MAGEC1: variants seen among roughly 807,000 people sequenced by gnomAD.
MAGEC1 encodes the protein MAGE family member C1.
Under a neutral mutation model 1.5 loss-of-function variants are expected in MAGEC1, and 3 were observed. The ratio of observed to expected loss-of-function variants is 1.97; its 90% CI spans 0.90 to 5.10. The LOEUF (loss-of-function observed/expected upper bound fraction) is 5.10. Ranked by LOEUF, MAGEC1 falls within the 30% of genes most tolerant of loss-of-function variation. The pLI, the probability that MAGEC1 is intolerant of heterozygous loss-of-function variation, is 0.02. For missense variants in MAGEC1, 985 were observed against 803.1 expected (o/e 1.23, Z -2.74); for synonymous variants, 357 against 310.4 (o/e 1.15, Z -1.58).
At position 141,908,118 on chromosome X, in the gene MAGEC1, C is replaced by T. The variant is rs149706249; in HGVS notation, c.2714C>T (p.Thr905Ile). 334 of 1,210,333 alleles carry T rather than the reference C, an allele frequency of 2.8e-4. No individual in the cohort carries two copies. Among genetic ancestry groups the T allele is most frequent in the Non-Finnish European group, 3.5e-4 (313 of 895,358 alleles). The change falls in exon 4 of 4, where the codon ACT becomes ATT. Residue 905 changes from threonine (T) to isoleucine (I), a missense_variant. By Grantham distance (89) the Thr-to-Ile change is moderately conservative (BLOSUM62 -1). Transcript: ENST00000285879. The part of the protein sequence containing the change: ...ESLIESEPLF[T>I]YTLDEKVDEL... ...TTGATAGAGAGCGAGCCCTTGTTCA[C>T]TTATACACTGGATGAAAAGGTGGAC...
Position 141,908,761 on chromosome X carries a change from C to T in MAGEC1, c.3357C>T (p.Asp1119=), listed in dbSNP as rs369043109. 5 of 1,210,840 alleles carry T rather than the reference C, an allele frequency of 4.1e-6. No individual in the cohort carries two copies. Among genetic ancestry groups the T allele is most frequent in the Non-Finnish European group, 4.5e-6 (4 of 894,818 alleles). Residue 1119 remains aspartate, a synonymous_variant, in exon 4 of 4, where the codon GAC becomes GAT. Coordinates refer to ENST00000285879, the MANE Select transcript of MAGEC1 (RefSeq NM_005462.5). ...DVEERAQAII[D]TTDDSTATES... ...AAGAGAGAGCCCAGGCCATAATTGA[C>T]ACCACAGATGATTCGACTGCCACAG...
In MAGEC1 at chrX:141,907,218, C is replaced by A; in HGVS notation, c.1814C>A (p.Ser605Tyr). ...CAGAGCCCTCCTCAGGGGGAGGACT[C>A]CATGTCTCCTCTCTACTTTCCTCAG... ...FPQSPPQGED[S>Y]MSPLYFPQSP... The change falls in exon 4 of 4, where the codon TCC becomes TAC. Residue 605 changes from serine (S) to tyrosine (Y), a missense_variant. Transcript: ENST00000285879. The A allele has an allele frequency of 8.3e-7, 1 of 1,210,392 alleles. No homozygotes were observed. Among genetic ancestry groups the A allele is most frequent in the Non-Finnish European group, 1.1e-6 (1 of 895,031 alleles).
Position 141,906,425 on chromosome X carries a change from C to T in MAGEC1, c.1021C>T (p.Pro341Ser), listed in dbSNP as rs1480954625. 8.3e-7 allele frequency: 1 copy of T among 1,198,868 alleles called. No homozygotes were observed. Among genetic ancestry groups the T allele is most frequent in the African/African-American group, 1.8e-5 (1 of 56,156 alleles). Residue 341 changes from proline (P) to serine (S), a missense_variant, in exon 4 of 4, where the codon CCT becomes TCT. Pro to Ser is a moderately conservative substitution (Grantham distance 74). Coordinates refer to ENST00000285879, the MANE Select transcript of MAGEC1 (RefSeq NM_005462.5). ...TTTTCCCCAGTCTCTTCTCCAGATT[C>T]CTATGACCTCCTCCTTCTCCTCTAC... The part of the protein sequence containing the change: ...EGFPQSLLQI[P>S]MTSSFSSTLL...
chrX:141,903,905 C>T lies in MAGEC1; in HGVS notation c.-275C>T, dbSNP rs6636503. The T allele has an allele frequency of 7.2e-6, 1 of 139,450 alleles. No individual in the cohort carries two copies. The highest frequency in any genetic ancestry group is 6.9e-5 in the Admixed American group (1 of 14,447). 11.5% of individuals were successfully genotyped at this position (139,450 alleles called of 1,213,427 possible). A position where few individuals can be genotyped will look rare whatever the true frequency, so the allele number is the denominator to read the frequency against. ...CGGCCATCTTGGGAGTCTGAAGGAC[C>T]TGAGGCATTTTGTGACGAGGATCGT... On this transcript the variant is annotated 5_prime_UTR_variant, in exon 1 of 4. Transcript: ENST00000285879.
In MAGEC1 at chrX:141,908,456, G is replaced by A; in HGVS notation, c.3052G>A (p.Val1018Ile). The change falls in exon 4 of 4, where the codon GTC (valine) becomes ATC (isoleucine). Residue 1018 changes from valine to isoleucine, a missense_variant. Val to Ile is a conservative substitution (Grantham distance 29, BLOSUM62 3). Coordinates refer to ENST00000285879, the MANE Select transcript of MAGEC1 (RefSeq NM_005462.5). ...AAAGGGCACCTATGCCTCTGAGGAG[G>A]TCATCTGGGATGTGCTGAGTGGAAT... is the stretch of plus-strand genomic sequence containing the variant. ...FIKGTYASEEVIWDVLSGIGV... is the reference protein window; with the variant it reads ...FIKGTYASEEIIWDVLSGIGV... 7 of 1,208,673 alleles carry A rather than the reference G, an allele frequency of 5.8e-6. No individual in the cohort carries two copies. The highest frequency in any genetic ancestry group is 6.7e-6 in the Non-Finnish European group (6 of 894,177).
At position 141,906,826 on chromosome X, in the gene MAGEC1, C is replaced by G; in HGVS notation, c.1422C>G (p.Pro474=). ...ERTHSTFEGF[P]QSPLQIPVSS... ...CTCACAGTACTTTTGAGGGTTTTCC[C>G]CAGTCTCCTCTCCAGATTCCTGTGA... is the stretch of plus-strand genomic sequence containing the variant. The change falls in exon 4 of 4, where the codon CCC becomes CCG. Residue 474 remains proline, a synonymous_variant. Transcript: ENST00000285879. 1.7e-6 allele frequency: 2 copies of G among 1,206,328 alleles called. No individual in the cohort carries two copies. The highest frequency in any genetic ancestry group is 1.1e-6 in the Non-Finnish European group (1 of 893,398).
chrX:141,906,092 C>G lies in MAGEC1; in HGVS notation c.688C>G (p.Gln230Glu), dbSNP rs141260548. The G allele has an allele frequency of 2.7e-6, 3 of 1,094,274 alleles. No homozygotes were observed. Among genetic ancestry groups the G allele is most frequent in the Non-Finnish European group, 2.5e-6 (2 of 804,679 alleles). 90.2% of individuals were successfully genotyped at this position (1,094,274 alleles called of 1,213,427 possible). Residue 230 changes from glutamine (Q) to glutamate (E), a missense_variant, in exon 4 of 4, where the codon CAG becomes GAG. By Grantham distance (29) the Gln-to-Glu change is conservative. Coordinates refer to ENST00000285879, the MANE Select transcript of MAGEC1 (RefSeq NM_005462.5). ...TCAGAGTACTTTTGAGGGTTTTGCCCAGTCTCCTCTCCAGATTCCTGTGAG... is the reference window on the plus strand; with the variant it reads ...TCAGAGTACTTTTGAGGGTTTTGCCGAGTCTCCTCTCCAGATTCCTGTGAG... Reference protein sequence around the residue: ...RTQSTFEGFAQSPLQIPVSPS... With the variant: ...RTQSTFEGFAESPLQIPVSPS...
chrX:141,906,387 G>T lies in MAGEC1; in HGVS notation c.983G>T (p.Ser328Ile), dbSNP rs763238882. 1 of 1,191,423 alleles carries T rather than the reference G, an allele frequency of 8.4e-7. No homozygotes were observed. Among genetic ancestry groups the T allele is most frequent in the Non-Finnish European group, 1.1e-6 (1 of 879,930 alleles). The change falls in exon 4 of 4, where the codon AGT (serine) becomes ATT (isoleucine). Residue 328 changes from serine (S) to isoleucine (I), a missense_variant. Transcript: ENST00000285879. The part of the protein sequence containing the change: ...LFQSSPERTH[S>I]TFEGFPQSLL... ...CAGAGTTCCCCTGAGAGAACTCACA[G>T]TACTTTTGAGGGTTTTCCCCAGTCT...
chrX:141,906,433 C>T lies in MAGEC1; in HGVS notation c.1029C>T (p.Thr343=). Residue 343 remains threonine, a synonymous_variant, in exon 4 of 4, where the codon ACC becomes ACT. Coordinates refer to ENST00000285879, the MANE Select transcript of MAGEC1 (RefSeq NM_005462.5). ...AGTCTCTTCTCCAGATTCCTATGACCTCCTCCTTCTCCTCTACTTTATTGA... is the reference window on the plus strand; with the variant it reads ...AGTCTCTTCTCCAGATTCCTATGACTTCCTCCTTCTCCTCTACTTTATTGA... ...FPQSLLQIPM[T]SSFSSTLLSI... is the part of the protein sequence containing the mutation. The T allele has an allele frequency of 8.3e-7, 1 of 1,201,280 alleles. No homozygotes were observed. Among genetic ancestry groups the T allele is most frequent in the Non-Finnish European group, 1.1e-6 (1 of 889,065 alleles).
Position 141,905,831 on chromosome X carries a change from A to C in MAGEC1, c.427A>C (p.Ile143Leu), listed in dbSNP as rs752350196. 3.4e-5 allele frequency: 41 copies of C among 1,203,325 alleles called. No homozygotes were observed. Among genetic ancestry groups the C allele is most frequent in the Admixed American group, 1.8e-4 (8 of 45,270 alleles). Residue 143 changes from isoleucine (I) to leucine (L), a missense_variant, in exon 4 of 4, where the codon ATT becomes CTT. By Grantham distance (5) the Ile-to-Leu change is conservative. Coordinates refer to ENST00000285879, the MANE Select transcript of MAGEC1 (RefSeq NM_005462.5). ...SSFFSSALLS[I>L]FQSSPESTQS... is the part of the protein sequence containing the mutation. ...CTTCTTCTCCTCTGCTTTATTGAGT[A>C]TTTTCCAGAGTTCCCCTGAGAGTAC...
rs1434283745 is a variant in MAGEC1, at chrX:141,903,941, C to T, written c.-239C>T. The T allele has an allele frequency of 3.2e-5, 4 of 124,210 alleles. No homozygotes were observed. Among genetic ancestry groups the T allele is most frequent in the Non-Finnish European group, 4.9e-5 (3 of 61,381 alleles). The allele number at this position is 124,210 out of a possible 1,213,427, so 10.2% of individuals were successfully genotyped here. A position where few individuals can be genotyped will look rare whatever the true frequency, so the allele number is the denominator to read the frequency against. On this transcript the variant is annotated 5_prime_UTR_variant, in exon 1 of 4. Coordinates refer to ENST00000285879, the MANE Select transcript of MAGEC1 (RefSeq NM_005462.5). ...TGTGACGAGGATCGTCTCAGGTCAG[C>T]GGAGGGAGGAGACTTATAGACCTAT...
chrX:141,904,880 C>A, intron 2 of MAGEC1, 66 bp downstream of exon 2: 1 of 578,418 alleles, frequency 1.7e-6, no homozygotes, highest in Non-Finnish European at 2.8e-6. Flanking sequence ...CCTGGCAGCA[C>A]CCGGCCTGTA....
chrX:141,905,467 TC>T lies in MAGEC1; in HGVS notation c.65del (p.Pro22LeufsTer91). 2 of 1,211,088 alleles carry T rather than the reference TC, an allele frequency of 1.7e-6. No homozygotes were observed. Among genetic ancestry groups the T allele is most frequent in the African/African-American group, 1.7e-5 (1 of 57,863 alleles). Reference protein sequence around the residue: ...PSLLQSSSESPQSCPEGEDSQ... With the variant: ...PSLLQSSSESXQSCPEGEDSQ... ...GTCTTCTCCAGAGTTCCTCTGAGAG[TC>T]CTCAGAGTTGTCCTGAGGGGGAGGA... On this transcript the variant is annotated frameshift_variant, in exon 4 of 4. Transcript: ENST00000285879. LOFTEE classifies it low-confidence loss of function (END_TRUNC).
chrX:141,904,868 G>A (rs1344550459), intron 2 of MAGEC1, 54 bp downstream of exon 2: 1 of 519,515 alleles, frequency 1.9e-6, no homozygotes, highest in Non-Finnish European at 3.3e-6. Context: ...AAACAGGGCA[G>A]ACCTGGCAGC....
Position 141,908,408 on chromosome X carries a change from C to G in MAGEC1, c.3004C>G (p.Leu1002Val). The change falls in exon 4 of 4, where the codon CTT becomes GTT. Residue 1002 changes from leucine to valine, a missense_variant. By Grantham distance (32) the Leu-to-Val change is conservative. Coordinates refer to ENST00000285879, the MANE Select transcript of MAGEC1 (RefSeq NM_005462.5). ...CATGTCCCAGAACCGCCTCCTGATTCTTATTCTGAGTATCATCTTCATAAA... is the reference window on the plus strand; with the variant it reads ...CATGTCCCAGAACCGCCTCCTGATTGTTATTCTGAGTATCATCTTCATAAA... ...QGMSQNRLLI[L>V]ILSIIFIKGT... The G allele has an allele frequency of 8.3e-7, 1 of 1,211,268 alleles. No homozygotes were observed. Among genetic ancestry groups the G allele is most frequent in the Non-Finnish European group, 1.1e-6 (1 of 895,362 alleles).
In MAGEC1 at chrX:141,906,309, C is replaced by G. The variant is rs112191471; in HGVS notation, c.905C>G (p.Pro302Arg). 8 of 1,079,787 alleles carry G rather than the reference C, an allele frequency of 7.4e-6. No individual in the cohort carries two copies. The Admixed American group carries it at 1.5e-4, about 20-fold the overall frequency. 89.0% of individuals were successfully genotyped at this position (1,079,787 alleles called of 1,213,427 possible). Reference sequence around the variant, plus strand: ...ACTTTTGAGGGTTTTCCCCAGTCTCCTCTCCAGATTCCTGTGAGCTCCTCC... The same window carrying G: ...ACTTTTGAGGGTTTTCCCCAGTCTCGTCTCCAGATTCCTGTGAGCTCCTCC... ...QSTFEGFPQSPLQIPVSSSSS... is the reference protein window; with the variant it reads ...QSTFEGFPQSRLQIPVSSSSS... Residue 302 changes from proline to arginine, a missense_variant, in exon 4 of 4, where the codon CCT (proline) becomes CGT (arginine). Physicochemically the swap from Pro to Arg is moderately radical, Grantham distance 103. Coordinates refer to ENST00000285879, the MANE Select transcript of MAGEC1 (RefSeq NM_005462.5).
rs1259585822 is a variant in MAGEC1 at position 141,905,081 on chromosome X, G to A, written c.4+5G>A. The A allele has an allele frequency of 8.3e-7, 1 of 1,212,110 alleles. No individual in the cohort carries two copies. Among genetic ancestry groups the A allele is most frequent in the Non-Finnish European group, 1.1e-6 (1 of 895,554 alleles). ...CCTTTGTCAGAGCCATCATGGGTGA[G>A]TTTCTCAGCTGAGGCCACTGGCACT... On this transcript the variant is annotated splice_donor_5th_base_variant and intron_variant, in intron 3 of 3. Coordinates refer to ENST00000285879, the MANE Select transcript of MAGEC1 (RefSeq NM_005462.5).
Position 141,908,919 on chromosome X carries a change from C to T in MAGEC1, c.*86C>T. 1 of 829,758 alleles carries T rather than the reference C, an allele frequency of 1.2e-6. No individual in the cohort carries two copies. Among genetic ancestry groups the T allele is most frequent in the Non-Finnish European group, 1.7e-6 (1 of 594,648 alleles). 68.4% of individuals were successfully genotyped at this position (829,758 alleles called of 1,213,427 possible). ...AGGGCCTGGTTGAGGCTGGAGAGAA[C>T]ACAGTGCTATTTGCATTTCTGTTCC... On this transcript the variant is annotated 3_prime_UTR_variant, in exon 4 of 4. Coordinates refer to ENST00000285879, the MANE Select transcript of MAGEC1 (RefSeq NM_005462.5).
In MAGEC1 at chrX:141,905,642, C is replaced by T. The variant is rs1158467484; in HGVS notation, c.238C>T (p.Leu80Phe). ...TGAGGGGAAGGACTCCCAGTCTCCT[C>T]TCCAGATTCCCCAGAGTTCTCCTGA... is the stretch of plus-strand genomic sequence containing the variant. Reference protein sequence around the residue: ...PPEGKDSQSPLQIPQSSPEGD... With the variant: ...PPEGKDSQSPFQIPQSSPEGD... Residue 80 changes from leucine (L) to phenylalanine (F), a missense_variant, in exon 4 of 4, where the codon CTC becomes TTC. Transcript: ENST00000285879. The T allele has an allele frequency of 8.3e-7, 1 of 1,211,403 alleles. No individual in the cohort carries two copies. Among genetic ancestry groups the T allele is most frequent in the South Asian group, 1.8e-5 (1 of 56,954 alleles).
Sources: gnomAD v4.1 joint callset for allele counts on GRCh38, gnomAD v4.1.1 for gene constraint, MANE v1.5 for transcripts, NCBI Gene and HGNC (gene_info 2026-07-23, HGNC 2026-07-21) for gene names.